The following PID1 variants were observed in gnomAD, a reference collection of about 807,000 sequenced individuals.
The protein encoded by PID1 is phosphotyrosine interaction domain containing 1, also known as PTB-containing, cubilin and LRP1-interacting protein.
In PID1, 10 loss-of-function variants were observed where a neutral mutation model predicts 19.1. The observed-to-expected ratio is 0.52, with a 90% confidence interval of 0.32 to 0.89. The LOEUF (loss-of-function observed/expected upper bound fraction) is 0.89, where lower values mean the gene tolerates loss of function less well. Among genes scored for constraint, PID1 ranks in the 40% least tolerant of loss-of-function variants. PID1 has a pLI of 0.03. For missense variants in PID1, 248 were observed against 285.3 expected, an observed-to-expected ratio of 0.87 and a Z score of 0.94; for synonymous variants, 130 against 116.0, an observed-to-expected ratio of 1.12 and a Z score of -0.78.
In PID1 at chr2:229,026,023, T is replaced by G; in HGVS notation, c.263A>C (p.Lys88Thr). 1 of 1,614,202 alleles carries G rather than the reference T, an allele frequency of 6.2e-7. No individual in the cohort carries two copies. Among genetic ancestry groups the G allele is most frequent in the South Asian group, 1.1e-5 (1 of 91,086 alleles). ...GACATCCTCTCGGGCTAGCGTGTGCTTCTTCCAGAGCTCAATGACTGGCTT... is the reference window on the plus strand; with the variant it reads ...GACATCCTCTCGGGCTAGCGTGTGCGTCTTCCAGAGCTCAATGACTGGCTT... Reference protein sequence around the residue: ...TEKPVIELWKKHTLAREDVFP... With the variant: ...TEKPVIELWKTHTLAREDVFP... Residue 88 changes from lysine (K) to threonine (T), a missense_variant, in exon 3 of 3, where the codon AAG (lysine) becomes ACG (threonine). Physicochemically the swap from Lys to Thr is moderately conservative, Grantham distance 78. Coordinates refer to ENST00000392055, the MANE Select transcript of PID1 (RefSeq NM_001100818.2).
chr2:229,101,782 G>T (rs986711968), intron 2 of PID1, among the ~76,000 whole-genome samples: 2 of 152,088 alleles, frequency 1.3e-5, no homozygotes. Context: ...TCTCAAACTC[G>T]GGCATTTGCA....
intron 2 of PID1, among the ~76,000 whole-genome samples, chr2:229,133,500 C>T (rs1398279709): frequency 1.3e-5 from 2 of 152,206 alleles, no homozygotes; most frequent in Non-Finnish European, 2.9e-5. Context: ...TGGCTTCTTC[C>T]CTTTGAGATA....
Position 229,025,084 on chromosome 2 carries a change from T to C in PID1, c.*548A>G, listed in dbSNP as rs1278519412. ...GTGAATTAACTGCCAACTATCAGGT[T>C]GTTAGTTGTAAAGCTCAATAAAGGC... is the stretch of plus-strand genomic sequence containing the variant. On this transcript the variant is annotated 3_prime_UTR_variant, in exon 3 of 3. Transcript: ENST00000392055. 1.3e-5 allele frequency: 2 copies of C among 154,726 alleles called. No individual in the cohort carries two copies. The highest frequency in any genetic ancestry group is 2.9e-5 in the Non-Finnish European group (2 of 69,548). The allele number at this position is 154,726 out of a possible 1,614,324, so 9.6% of individuals were successfully genotyped here. A position where few individuals can be genotyped will look rare whatever the true frequency, so the allele number is the denominator to read the frequency against.
At chr2:229,173,474 A>G (rs541028542) in intron 1 of PID1, among the ~76,000 whole-genome samples, 9 of 152,142 alleles carry the variant, frequency 5.9e-5, no homozygotes, top group African/African-American at 1.9e-4. Context: ...TAAAGAACCT[A>G]CCTCTTAAAT....
chr2:229,123,789 G>A (rs1356652433), intron 2 of PID1, among the ~76,000 whole-genome samples: 1 of 152,106 alleles, frequency 6.6e-6, no homozygotes, highest in Non-Finnish European at 1.5e-5. Flanking sequence ...CTTTTCATAT[G>A]CTTATTGACC....
intron 2 of PID1, among the ~76,000 whole-genome samples, chr2:229,077,215 G>A (rs780874955): frequency 7.9e-5 from 12 of 152,120 alleles, no homozygotes; most frequent in African/African-American, 1.4e-4. Flanking sequence ...CATATCCTTC[G>A]CCAACTTTTT....
chr2:229,113,594 ATATG>A (rs1285966889), intron 2 of PID1, among the ~76,000 whole-genome samples: 6 of 54,122 alleles, frequency 1.1e-4, no homozygotes, highest in South Asian at 1.3e-3. Flanking sequence ...GTGTATGCAT[ATATG>A]TGTGTGTGTG....
chr2:229,108,529 G>C (rs1229645222), intron 2 of PID1, among the ~76,000 whole-genome samples: 1 of 152,224 alleles, frequency 6.6e-6, no homozygotes, highest in Non-Finnish European at 1.5e-5. Flanking sequence ...CTACCTGGGA[G>C]GATCAGAGAG....
intron 1 of PID1, among the ~76,000 whole-genome samples, chr2:229,248,367 G>A (rs527659710): frequency 5.3e-4 from 80 of 152,192 alleles, no homozygotes; most frequent in African/African-American, 8.9e-4. Flanking sequence ...TTCTCAGTGC[G>A]TTGTATCAGG....
At chr2:229,094,182 C>A (rs925569374) in intron 2 of PID1, among the ~76,000 whole-genome samples, 6 of 152,062 alleles carry the variant, frequency 3.9e-5, no homozygotes, top group African/African-American at 4.8e-5. Flanking sequence ...AGAACTCAAT[C>A]CGCTTTAAAA....
Position 229,161,181 on chromosome 2 carries a change from T to G in PID1, c.31-5217A>C, listed in dbSNP as rs115018954. On this transcript the variant is annotated intron_variant, in intron 1 of 2. Transcript: ENST00000392055. Reference sequence around the variant, plus strand: ...GAACAGAATGTCCTGGAGATGGGCATGCAGGGTTGTGGACTGGGGTGATGT... The same window carrying G: ...GAACAGAATGTCCTGGAGATGGGCAGGCAGGGTTGTGGACTGGGGTGATGT... Among the ~76,000 whole-genome samples, 663 of 152,320 alleles carry G rather than the reference T, an allele frequency of 4.4e-3. 5 individuals carry two copies. Among genetic ancestry groups the G allele is most frequent in the African/African-American group, 0.015 (633 of 41,572 alleles).
At chr2:229,202,540 A>G (rs1435872655) in intron 1 of PID1, among the ~76,000 whole-genome samples, 1 of 152,026 alleles carries the variant, frequency 6.6e-6, no homozygotes, top group Non-Finnish European at 1.5e-5. Flanking sequence ...TAACTGAAAG[A>G]GTACTCCAGT....
chr2:229,208,181 C>T (rs533964755), intron 1 of PID1, among the ~76,000 whole-genome samples: 2 of 152,268 alleles, frequency 1.3e-5, no homozygotes, highest in Non-Finnish European at 2.9e-5. Context: ...GCCTCCAGAT[C>T]CTAGCTTTCT....
At position 229,195,124 on chromosome 2, in the gene PID1, T is replaced by C. The variant is rs184079287; in HGVS notation, c.31-39160A>G. ...GCATCGTTTAAATCTTGATTTCAGG[T>C]TTTAGAGATTATATATTGTATTTTG... On this transcript the variant is annotated intron_variant, in intron 1 of 2. Transcript: ENST00000392055. 9.9e-5 allele frequency among the ~76,000 whole-genome samples: 15 copies of C among 151,992 alleles called. No individual in the cohort carries two copies. The East Asian group carries it at 2.1e-3, about 22-fold the overall frequency.
chr2:229,107,593 G>A (rs1455485103), intron 2 of PID1, among the ~76,000 whole-genome samples: 2 of 151,598 alleles, frequency 1.3e-5, no homozygotes, highest in Non-Finnish European at 2.9e-5. Flanking sequence ...ACTACAAAAA[G>A]GTCCTTCAAA....
At chr2:229,165,881 A>T (rs568418590) in intron 1 of PID1, among the ~76,000 whole-genome samples, 43 of 152,248 alleles carry the variant, frequency 2.8e-4, no homozygotes, top group Admixed American at 3.3e-4. Context: ...TAACCTAAAA[A>T]AAAGCAAACT....
intron 2 of PID1, among the ~76,000 whole-genome samples, chr2:229,063,890 T>C (rs1052278513): frequency 1.3e-5 from 2 of 152,122 alleles, no homozygotes; most frequent in Non-Finnish European, 2.9e-5. Context: ...ACCTTCTTTG[T>C]CTCTTTTTAC....
At chr2:229,062,292 T>C (rs987471075) in intron 2 of PID1, among the ~76,000 whole-genome samples, 4 of 151,998 alleles carry the variant, frequency 2.6e-5, no homozygotes, top group Admixed American at 1.3e-4. Context: ...GTTTGTATCA[T>C]AAAAAGATGT....
chr2:229,079,482 C>T (rs1316207839), intron 2 of PID1, among the ~76,000 whole-genome samples: 3 of 152,166 alleles, frequency 2.0e-5, no homozygotes, highest in Non-Finnish European at 2.9e-5. Context: ...TTTCCTTAAG[C>T]TGCTATACTA....
Sources: gnomAD v4.1 joint callset for allele counts (sites outside exome capture counted in the v4.1 genomes callset) on GRCh38, gnomAD v4.1.1 for gene constraint, MANE v1.5 for transcripts, NCBI Gene and HGNC (gene_info 2026-07-23, HGNC 2026-07-21) for gene names.